The following MPRIP variants were observed in gnomAD, a reference collection of about 807,000 sequenced individuals.
MPRIP encodes myosin phosphatase Rho interacting protein, also known as myosin phosphatase Rho-interacting protein.
A neutral mutation model predicts 234.9 loss-of-function variants in MPRIP; 59 were observed. The observed-to-expected ratio is 0.25, with a 90% CI of 0.20 to 0.31. The LOEUF is 0.31. MPRIP is among the 10% of genes least tolerant of loss of function. MPRIP has a pLI of 1.00. For synonymous variants in MPRIP, 1,144 were observed against 1,263.9 expected, an observed-to-expected ratio of 0.91 and a Z score of 2.01; for missense variants, 2,436 against 3,071.0, an observed-to-expected ratio of 0.79 and a Z score of 4.89.
chr17:17,154,049 T>C (rs1409861606), intron 12 of MPRIP, among the ~76,000 whole-genome samples: 1 of 119,862 alleles, frequency 8.3e-6, no homozygotes, highest in East Asian at 2.9e-4. Flanking sequence ...GCTCAGTAAC[T>C]GTGAGCTTGT....
Position 17,075,704 on chromosome 17 carries a change from C to CT in MPRIP, c.124-5dup. On this transcript the variant is annotated splice_polypyrimidine_tract_variant and splice_region_variant and intron_variant, in intron 1 of 23. Coordinates refer to ENST00000651222, the MANE Select transcript of MPRIP (RefSeq NM_001364716.4). ...CTGGTGACCTGCCCTCTTTTTTCTC[C>CT]TCTAGGCAAAACCCATTTATGGCGG... The CT allele has an allele frequency of 1.9e-6, 3 of 1,614,022 alleles. No individual in the cohort carries two copies. Among genetic ancestry groups the CT allele is most frequent in the Non-Finnish European group, 2.5e-6 (3 of 1,179,938 alleles).
At chr17:17,155,260 T>A (rs1251960276) in intron 13 of MPRIP, among the ~76,000 whole-genome samples, 1 of 152,022 alleles carries the variant, frequency 6.6e-6, no homozygotes, top group Non-Finnish European at 1.5e-5. Flanking sequence ...CGTGTTCTTT[T>A]TTTTTTTTTT....
chr17:17,075,517 C>T (rs896142580), intron 1 of MPRIP, among the ~76,000 whole-genome samples, 193 bp from the exon 2 acceptor site: 3 of 152,096 alleles, frequency 2.0e-5, no homozygotes, highest in Non-Finnish European at 4.4e-5. Context: ...TGCTCTCCAC[C>T]CCGGATGCTG....
At chr17:17,112,208 C>G (rs1363791897) in intron 3 of MPRIP, among the ~76,000 whole-genome samples, 1 of 152,142 alleles carries the variant, frequency 6.6e-6, no homozygotes, top group Admixed American at 6.5e-5. Flanking sequence ...TTATCTCCAG[C>G]TGAGCTCTGT....
At chr17:17,114,939 A>G (rs1406629625) in intron 3 of MPRIP, among the ~76,000 whole-genome samples, 1 of 151,720 alleles carries the variant, frequency 6.6e-6, no homozygotes, top group African/African-American at 2.4e-5. Context: ...TTCTCCGTTA[A>G]AAAAAAAGTA....
At chr17:17,105,050 T>G (rs8069241) in intron 3 of MPRIP, among the ~76,000 whole-genome samples, 6,378 of 152,276 alleles carry the variant, frequency 0.042, 228 homozygotes, top group East Asian at 0.12. Context: ...CTGTCTTCCC[T>G]GTCACAGTCC....
At chr17:17,137,819 C>G (rs1243309375) in intron 6 of MPRIP, 97 bp from the exon 7 acceptor site, 1 of 1,125,716 alleles carries the variant, frequency 8.9e-7, no homozygotes. Context: ...GGAGAAGGCC[C>G]CTGCTTGGAT....
At chr17:17,159,028 C>T in intron 14 of MPRIP, 26 bp downstream of exon 14, 1 of 1,585,852 alleles carries the variant, frequency 6.3e-7, no homozygotes, top group Non-Finnish European at 8.6e-7. Flanking sequence ...CAGATCCCCA[C>T]CCTGCTCCCA....
At chr17:17,077,867 C>A in intron 2 of MPRIP, 144 bp from the exon 3 acceptor site, 1 of 777,710 alleles carries the variant, frequency 1.3e-6, no homozygotes. Flanking sequence ...TCGGGTCCCT[C>A]TTTTCCTGCC....
chr17:17,142,510 C>A, intron 7 of MPRIP, 117 bp from the exon 8 acceptor site: 1 of 1,223,202 alleles, frequency 8.2e-7, no homozygotes, highest in Non-Finnish European at 1.2e-6. Flanking sequence ...AACCTCGGTG[C>A]TGTGCAAGCC....
In MPRIP at chr17:17,190,953, G is replaced by A. The variant is rs1264729019; in HGVS notation, c.*6059G>A. On this transcript the variant is annotated 3_prime_UTR_variant, in exon 24 of 24. Coordinates refer to ENST00000651222, the MANE Select transcript of MPRIP (RefSeq NM_001364716.4). ...TTACTGCAGGGATTTTTGTGACAGAGTTTGTATGGGTTTTTAAAAAAATCT... is the reference window on the plus strand; with the variant it reads ...TTACTGCAGGGATTTTTGTGACAGAATTTGTATGGGTTTTTAAAAAAATCT... 1 of 152,184 alleles carries A rather than the reference G, an allele frequency of 6.6e-6. No individual in the cohort carries two copies. The highest frequency in any genetic ancestry group is 2.4e-5 in the African/African-American group (1 of 41,446). The allele number at this position is 152,184 out of a possible 1,614,324, so 9.4% of individuals were successfully genotyped here. A position where few individuals can be genotyped will look rare whatever the true frequency, so the allele number is the denominator to read the frequency against.
chr17:17,174,806 A>G (rs2046220182), intron 19 of MPRIP, among the ~76,000 whole-genome samples: 2 of 152,264 alleles, frequency 1.3e-5, no homozygotes, highest in Admixed American at 1.3e-4. Context: ...CTAAAAAAAA[A>G]AAAAAAAAGA....
At chr17:17,131,141 A>G (rs575250289) in intron 4 of MPRIP, among the ~76,000 whole-genome samples, 3 of 152,262 alleles carry the variant, frequency 2.0e-5, no homozygotes, top group African/African-American at 7.2e-5. Flanking sequence ...CTCCCTCTGC[A>G]GGGACTGTGG....
At chr17:17,083,327 C>T (rs2144093106) in intron 3 of MPRIP, among the ~76,000 whole-genome samples, 1 of 152,278 alleles carries the variant, frequency 6.6e-6, no homozygotes, top group Middle Eastern at 3.4e-3. Flanking sequence ...ATAAAGTAAA[C>T]AGGCTTGGTC....
At chr17:17,160,476 G>A (rs773176151) in intron 14 of MPRIP, among the ~76,000 whole-genome samples, 42 of 152,362 alleles carry the variant, frequency 2.8e-4, no homozygotes, top group African/African-American at 9.4e-4. Flanking sequence ...CATTCAGCAC[G>A]AGCTCTGGGA....
In MPRIP at chr17:17,154,311, G is replaced by A. The variant is rs560954576; in HGVS notation, c.1725G>A (p.Lys575=). 2 of 1,614,036 alleles carry A rather than the reference G, an allele frequency of 1.2e-6. No individual in the cohort carries two copies. Among genetic ancestry groups the A allele is most frequent in the South Asian group, 1.1e-5 (1 of 91,074 alleles). The change falls in exon 13 of 24, where the codon AAG becomes AAA. Residue 575 remains lysine (K), a synonymous_variant. Coordinates refer to ENST00000651222, the MANE Select transcript of MPRIP (RefSeq NM_001364716.4). ...QRNYGFQIHT[K]EGEFTLSAMT... is the part of the protein sequence containing the mutation. ...GCCTCATCTTTTCTCTGTAGACAAAGGAGGGCGAGTTTACCCTGTCGGCCA... is the reference window on the plus strand; with the variant it reads ...GCCTCATCTTTTCTCTGTAGACAAAAGAGGGCGAGTTTACCCTGTCGGCCA...
At chr17:17,143,122 C>T (rs960536036) in intron 8 of MPRIP, among the ~76,000 whole-genome samples, 4 of 152,218 alleles carry the variant, frequency 2.6e-5, no homozygotes, top group Non-Finnish European at 4.4e-5. Flanking sequence ...AAGGTAGACT[C>T]GGCTTCTGAA....
chr17:17,070,354 T>G (rs901012235), intron 1 of MPRIP, among the ~76,000 whole-genome samples: 1 of 152,230 alleles, frequency 6.6e-6, no homozygotes, highest in African/African-American at 2.4e-5. Context: ...CTTTTTCCGC[T>G]TCACCCTTCC....
At chr17:17,093,698 A>T (rs1306563620) in intron 3 of MPRIP, among the ~76,000 whole-genome samples, 4 of 152,214 alleles carry the variant, frequency 2.6e-5, no homozygotes, top group Non-Finnish European at 5.9e-5. Context: ...GCTTATACTA[A>T]AAGAGTTTTC....
Sources: gnomAD v4.1 joint callset for allele counts (sites outside exome capture counted in the v4.1 genomes callset) on GRCh38, gnomAD v4.1.1 for gene constraint, MANE v1.5 for transcripts, NCBI Gene and HGNC (gene_info 2026-07-23, HGNC 2026-07-21) for gene names.